COMMD7: variants seen among roughly 807,000 people sequenced by gnomAD.
COMMD7 encodes the protein COMM domain-containing protein 7.
Under a neutral mutation model 34.8 loss-of-function variants are expected in COMMD7, and 28 were observed. That is an observed-to-expected ratio of 0.80 (90% confidence interval 0.60 to 1.10). The LOEUF (loss-of-function observed/expected upper bound fraction) is 1.10. COMMD7 is among the 50% of genes least tolerant of loss of function. The pLI is 0.00. For synonymous variants in COMMD7, 80 were observed against 86.4 expected (o/e 0.93, Z 0.41); for missense variants, 211 against 241.6 (o/e 0.87, Z 0.84).
At chr20:32,741,440 G>T (rs1986439863) in intron 1 of COMMD7, among the ~76,000 whole-genome samples, 1 of 151,422 alleles carries the variant, frequency 6.6e-6, no homozygotes, top group Non-Finnish European at 1.5e-5. Flanking sequence ...GCCCAGGCTG[G>T]AATGCAGTGG....
At chr20:32,718,180 AGATCACAAGGTCAGGAGATC>A in intron 3 of COMMD7, among the ~76,000 whole-genome samples, 1 of 149,562 alleles carries the variant, frequency 6.7e-6, no homozygotes, top group South Asian at 2.1e-4. Context: ...TGAGGCGGGC[AGATCACAAGGTCAGGAGATC>A]GAGACCATCC....
In COMMD7 at chr20:32,704,497, A is replaced by T; in HGVS notation, c.428-8T>A. ...CGCTGCTCCCAGATGTCACTGTGACAAAAAAAAAAAAAAAGAGAGAGAGAG... is the reference window on the plus strand; with the variant it reads ...CGCTGCTCCCAGATGTCACTGTGACTAAAAAAAAAAAAAAGAGAGAGAGAG... On this transcript the variant is annotated splice_region_variant and splice_polypyrimidine_tract_variant and intron_variant, in intron 6 of 8. Coordinates refer to ENST00000278980, the MANE Select transcript of COMMD7 (RefSeq NM_053041.3). The T allele has an allele frequency of 2.9e-5, 1 of 34,208 alleles. No homozygotes were observed. The highest frequency in any genetic ancestry group is 8.4e-5 in the Non-Finnish European group (1 of 11,874). 2.1% of individuals were successfully genotyped at this position (34,208 alleles called of 1,614,324 possible). A position where few individuals can be genotyped will look rare whatever the true frequency, so the allele number is the denominator to read the frequency against.
rs113674525 is a variant in COMMD7, at chr20:32,703,135, TA to T, written c.*246del. On this transcript the variant is annotated 3_prime_UTR_variant, in exon 9 of 9. Transcript: ENST00000278980. ...AGATGCAGTGGCCTGTCAGAGTATC[TA>T]AAAATGTGTCCTGGAAGACAGGTGG... The T allele has an allele frequency of 8.0e-3, 2,968 of 369,776 alleles. 80 individuals carry two copies. Among genetic ancestry groups the T allele is most frequent in the African/African-American group, 0.056 (2,716 of 48,118 alleles). 22.9% of individuals were successfully genotyped at this position (369,776 alleles called of 1,614,324 possible). A position where few individuals can be genotyped will look rare whatever the true frequency, so the allele number is the denominator to read the frequency against.
chr20:32,715,011 A>AAAAAAT (rs1018581874), intron 3 of COMMD7, among the ~76,000 whole-genome samples: 4 of 148,560 alleles, frequency 2.7e-5, no homozygotes, highest in East Asian at 4.2e-4. Flanking sequence ...CTCTGTCTCA[A>AAAAAAT]AAAAATAAAA....
Position 32,704,508 on chromosome 20 carries a change from A to AAAGAG in COMMD7, c.428-20_428-19insCTCTT. On this transcript the variant is annotated intron_variant, in intron 6 of 8. Coordinates refer to ENST00000278980, the MANE Select transcript of COMMD7 (RefSeq NM_053041.3). Reference sequence around the variant, plus strand: ...GATGTCACTGTGACAAAAAAAAAAAAAAAGAGAGAGAGAGAGAGAAATAAC... The same window carrying AAAGAG: ...GATGTCACTGTGACAAAAAAAAAAAAAAGAGAAAGAGAGAGAGAGAGAGAAATAAC... 1 of 1,571,952 alleles carries AAAGAG rather than the reference A, an allele frequency of 6.4e-7. No individual in the cohort carries two copies. Among genetic ancestry groups the AAAGAG allele is most frequent in the South Asian group, 1.2e-5 (1 of 85,642 alleles).
chr20:32,736,226 C>G (rs961073336), intron 1 of COMMD7, among the ~76,000 whole-genome samples: 1 of 152,150 alleles, frequency 6.6e-6, no homozygotes, highest in African/African-American at 2.4e-5. Flanking sequence ...ATTCGTTTTA[C>G]TACTTGAGGC....
chr20:32,706,684 A>G lies in COMMD7; in HGVS notation c.298+20T>C, dbSNP rs754357678. 3 of 1,613,790 alleles carry G rather than the reference A, an allele frequency of 1.9e-6. No homozygotes were observed. The highest frequency in any genetic ancestry group is 2.5e-6 in the Non-Finnish European group (3 of 1,179,772). ...GCCTCAGAAGCCAGTCACCCTGAGC[A>G]ACCCTGGCCAATGACCTACCCAGAG... On this transcript the variant is annotated intron_variant, in intron 4 of 8. Transcript: ENST00000278980.
chr20:32,720,232 C>T lies in COMMD7; in HGVS notation c.241+7661G>A, dbSNP rs35263544. ...GCTATACGCCGGGCACAGTGGCTCA[C>T]GCCTATAATCCCATCACTTTGGGAG... is the stretch of plus-strand genomic sequence containing the variant. On this transcript the variant is annotated intron_variant, in intron 3 of 8. Transcript: ENST00000278980. 8.8e-3 allele frequency among the ~76,000 whole-genome samples: 1,333 copies of T among 152,270 alleles called. 13 individuals carry two copies. Among genetic ancestry groups the T allele is most frequent in the Middle Eastern group, 0.014 (4 of 294 alleles).
chr20:32,727,918 C>T lies in COMMD7; in HGVS notation c.216G>A (p.Val72=). Residue 72 remains valine (V), a synonymous_variant, in exon 3 of 9, where the codon GTG becomes GTA. Coordinates refer to ENST00000278980, the MANE Select transcript of COMMD7 (RefSeq NM_053041.3). ...QISLGSLRSI[V]KSLLLVPNGA... is the part of the protein sequence containing the mutation. ...CATTTGGAACCAGAAGGAGGCTTTTCACGATGCTTCTGAGGGAGCCAAGAC... is the reference window on the plus strand; with the variant it reads ...CATTTGGAACCAGAAGGAGGCTTTTTACGATGCTTCTGAGGGAGCCAAGAC... 1.2e-6 allele frequency: 2 copies of T among 1,614,032 alleles called. No individual in the cohort carries two copies. The highest frequency in any genetic ancestry group is 8.5e-7 in the Non-Finnish European group (1 of 1,179,942).
intron 3 of COMMD7, among the ~76,000 whole-genome samples, chr20:32,712,851 A>T (rs1984556448): frequency 1.4e-5 from 2 of 147,710 alleles, no homozygotes; most frequent in East Asian, 4.1e-4. Flanking sequence ...TCCCAGGTTC[A>T]AGTGATTCTC....
At position 32,713,179 on chromosome 20, in the gene COMMD7, G is replaced by C. The variant is rs1326941228; in HGVS notation, c.242-6419C>G. Among the ~76,000 whole-genome samples, 4 of 151,790 alleles carry C rather than the reference G, an allele frequency of 2.6e-5. No individual in the cohort carries two copies. In the East Asian group the frequency reaches 7.7e-4, roughly 29 times the overall value. ...TTCTCCTGTCTCAGCCTCCCAAGTAGCTGGGATTACAGGCATGTGCCACCA... is the reference window on the plus strand; with the variant it reads ...TTCTCCTGTCTCAGCCTCCCAAGTACCTGGGATTACAGGCATGTGCCACCA... On this transcript the variant is annotated intron_variant, in intron 3 of 8. Transcript: ENST00000278980.
At chr20:32,718,485 G>C (rs1984949820) in intron 3 of COMMD7, among the ~76,000 whole-genome samples, 1 of 151,914 alleles carries the variant, frequency 6.6e-6, no homozygotes, top group South Asian at 2.1e-4. Context: ...GACTGCCTGA[G>C]CTCAGGAGTT....
chr20:32,714,017 G>A (rs28721913), intron 3 of COMMD7, among the ~76,000 whole-genome samples: 44,379 of 151,988 alleles, frequency 0.29, 6,833 homozygotes, highest in Middle Eastern at 0.4. Context: ...GGAGGCTGAG[G>A]CAGGAGAATC....
chr20:32,711,345 C>T (rs544384245), intron 3 of COMMD7, among the ~76,000 whole-genome samples: 35 of 148,510 alleles, frequency 2.4e-4, no homozygotes, highest in Admixed American at 7.5e-4. Flanking sequence ...TGCAGTGAGC[C>T]GAGATCACAC....
intron 3 of COMMD7, among the ~76,000 whole-genome samples, chr20:32,717,887 C>T (rs1445276106): frequency 6.6e-6 from 1 of 151,736 alleles, no homozygotes; most frequent in Non-Finnish European, 1.5e-5. Context: ...GAGTTTGAGA[C>T]CACCCTGGCT....
At chr20:32,713,398 G>A (rs1443156204) in intron 3 of COMMD7, among the ~76,000 whole-genome samples, 1 of 152,212 alleles carries the variant, frequency 6.6e-6, no homozygotes, top group East Asian at 1.9e-4. Flanking sequence ...AACCCTCAAA[G>A]CTGTCAAACA....
chr20:32,712,443 G>C (rs1050995126), intron 3 of COMMD7, among the ~76,000 whole-genome samples: 1 of 151,600 alleles, frequency 6.6e-6, no homozygotes, highest in Non-Finnish European at 1.5e-5. Flanking sequence ...AGGAGGCAGA[G>C]GTTGAAGTGA....
chr20:32,722,177 G>A (rs570714507), intron 3 of COMMD7, among the ~76,000 whole-genome samples: 2 of 147,458 alleles, frequency 1.4e-5, no homozygotes, highest in African/African-American at 5.0e-5. Flanking sequence ...CCTTGTCGAC[G>A]GAATTTGCAG....
At chr20:32,720,814 A>G (rs1436580046) in intron 3 of COMMD7, among the ~76,000 whole-genome samples, 2 of 152,110 alleles carry the variant, frequency 1.3e-5, no homozygotes, top group Non-Finnish European at 2.9e-5. Flanking sequence ...AAAAGAAGGA[A>G]AATACAGACT....
Sources: gnomAD v4.1 joint callset for allele counts (sites outside exome capture counted in the v4.1 genomes callset) on GRCh38, gnomAD v4.1.1 for gene constraint, MANE v1.5 for transcripts, NCBI Gene and HGNC (gene_info 2026-07-23, HGNC 2026-07-21) for gene names.